Variants in SAXO1 observed in about 807,000 individuals in gnomAD.
The protein encoded by SAXO1 is 4930500O09Rik.
Under a neutral mutation model 17.5 loss-of-function variants are expected in SAXO1, and 21 were observed. That is an observed-to-expected ratio of 1.20 (90% CI 0.85 to 1.72). The LOEUF is 1.72. Among genes scored for constraint, SAXO1 ranks in the 40% most tolerant of loss-of-function variants. The pLI is 0.00. For missense variants in SAXO1, 843 were observed against 596.0 expected, an observed-to-expected ratio of 1.41 and a Z score of -4.32; for synonymous variants, 274 against 216.5, an observed-to-expected ratio of 1.27 and a Z score of -2.33.
intron 2 of SAXO1, among the ~76,000 whole-genome samples, chr9:18,943,108 CAT>C (rs1389288999): frequency 6.6e-6 from 1 of 152,212 alleles, no homozygotes; most frequent in Admixed American, 6.5e-5. Context: ...GAATTATACA[CAT>C]GATTGTCAGT....
intron 1 of SAXO1, among the ~76,000 whole-genome samples, chr9:18,969,340 T>A (rs35957033): frequency 0.2 from 30,987 of 152,048 alleles, 6,954 homozygotes; most frequent in African/African-American, 0.56. Context: ...CAGCAAGCTC[T>A]CTTGACTGGA....
At chr9:19,017,725 T>C (rs10811099) in intron 1 of SAXO1, among the ~76,000 whole-genome samples, 81,969 of 152,140 alleles carry the variant, frequency 0.54, 22,859 homozygotes, top group Non-Finnish European at 0.62. Context: ...GAGCTTTCCC[T>C]GGTCCATCAT....
Position 18,956,453 on chromosome 9 carries a change from T to G in SAXO1, c.39-5516A>C, listed in dbSNP as rs73427285. ...CAGCATCTTGTAGGATACTTATGAC[T>G]TGTCTTGCCTCCACCAGTCTTCTGG... is the stretch of plus-strand genomic sequence containing the variant. On this transcript the variant is annotated intron_variant, in intron 1 of 3. Transcript: ENST00000380534. Among the ~76,000 whole-genome samples the G allele has an allele frequency of 6.4e-3, 968 of 152,280 alleles. 12 individuals carry two copies. Among genetic ancestry groups the G allele is most frequent in the African/African-American group, 0.022 (926 of 41,568 alleles).
chr9:18,955,282 T>G (rs1292364318), intron 1 of SAXO1, among the ~76,000 whole-genome samples: 1 of 51,212 alleles, frequency 2.0e-5, no homozygotes, highest in African/African-American at 1.0e-4. Flanking sequence ...CCAATATACC[T>G]AAATTATCAT....
At chr9:18,962,144 C>G (rs77485792) in intron 1 of SAXO1, among the ~76,000 whole-genome samples, 2,765 of 152,240 alleles carry the variant, frequency 0.018, 69 homozygotes, top group African/African-American at 0.06. Flanking sequence ...CACTGCTCGC[C>G]TCAACCTCCA....
At chr9:18,990,050 G>T (rs1288892035) in intron 1 of SAXO1, among the ~76,000 whole-genome samples, 1 of 152,158 alleles carries the variant, frequency 6.6e-6, no homozygotes. Flanking sequence ...AGAGAGAACA[G>T]ATGTTCCAAA....
intron 3 of SAXO1, among the ~76,000 whole-genome samples, chr9:18,929,646 ATAAAACTTAT>A (rs1830949889): frequency 1.3e-5 from 2 of 152,240 alleles, no homozygotes; most frequent in South Asian, 4.1e-4. Flanking sequence ...TGCCACTTAT[ATAAAACTTAT>A]TACATAACAG....
rs748401562 is a variant in SAXO1 at position 18,941,656 on chromosome 9, C to G, written c.402G>C (p.Glu134Asp). The G allele has an allele frequency of 6.2e-7, 1 of 1,614,212 alleles. No homozygotes were observed. The highest frequency in any genetic ancestry group is 1.1e-5 in the South Asian group (1 of 91,084). Reference protein sequence around the residue: ...DSKYPCSDKMECLPTYKADYL... With the variant: ...DSKYPCSDKMDCLPTYKADYL... Reference sequence around the variant, plus strand: ...TCCCACCTTTATAAGTAGGCAAACACTCCATCTTGTCGCTACATGGATATT... The same window carrying G: ...TCCCACCTTTATAAGTAGGCAAACAGTCCATCTTGTCGCTACATGGATATT... The change falls in exon 3 of 4, where the codon GAG (glutamate) becomes GAC (aspartate). Residue 134 changes from glutamate to aspartate, a missense_variant. Transcript: ENST00000380534.
intron 1 of SAXO1, among the ~76,000 whole-genome samples, chr9:19,013,354 A>G (rs977619889): frequency 6.6e-6 from 1 of 151,994 alleles, no homozygotes; most frequent in Non-Finnish European, 1.5e-5. Flanking sequence ...ACTTTCTTAG[A>G]GATTAGATTG....
intron 1 of SAXO1, among the ~76,000 whole-genome samples, chr9:18,951,702 C>CG (rs1832046201): frequency 6.6e-6 from 1 of 152,208 alleles, no homozygotes; most frequent in Admixed American, 6.5e-5. Flanking sequence ...CTACCTGTGA[C>CG]TGGCATGTCT....
At position 18,927,939 on chromosome 9, in the gene SAXO1, T is replaced by G; in HGVS notation, c.*113A>C. 4.2e-6 allele frequency: 5 copies of G among 1,204,650 alleles called. No homozygotes were observed. The highest frequency in any genetic ancestry group is 5.7e-6 in the Non-Finnish European group (5 of 872,030). The allele number at this position is 1,204,650 out of a possible 1,614,324, so 74.6% of individuals were successfully genotyped here. Reference sequence around the variant, plus strand: ...CAAGTGCTCTGGAAGTGGTGAAGGTTTTTTGTTTTTTGTTTTTTGTCATTT... The same window carrying G: ...CAAGTGCTCTGGAAGTGGTGAAGGTGTTTTGTTTTTTGTTTTTTGTCATTT... On this transcript the variant is annotated 3_prime_UTR_variant, in exon 4 of 4. Coordinates refer to ENST00000380534, the MANE Select transcript of SAXO1 (RefSeq NM_153707.4).
chr9:18,942,425 T>C (rs1300761177), intron 2 of SAXO1, among the ~76,000 whole-genome samples: 1 of 152,062 alleles, frequency 6.6e-6, no homozygotes, highest in Non-Finnish European at 1.5e-5. Context: ...CTCTCCACCT[T>C]CCTTCCACCC....
intron 1 of SAXO1, among the ~76,000 whole-genome samples, chr9:18,965,571 C>G (rs1056547780): frequency 3.6e-5 from 5 of 138,064 alleles, no homozygotes; most frequent in Admixed American, 1.3e-4. Flanking sequence ...ATTGCAACCC[C>G]TGCTTTTTTT....
chr9:19,009,588 T>C (rs1394367477), intron 1 of SAXO1, among the ~76,000 whole-genome samples: 2 of 152,192 alleles, frequency 1.3e-5, no homozygotes, highest in Non-Finnish European at 2.9e-5. Context: ...TATTTAAATC[T>C]GTGCAGAGAG....
chr9:19,023,690 T>C (rs1835346618), intron 1 of SAXO1, among the ~76,000 whole-genome samples: 1 of 152,124 alleles, frequency 6.6e-6, no homozygotes, highest in Non-Finnish European at 1.5e-5. Flanking sequence ...AAGGAAATAT[T>C]AGCAAACTAC....
At chr9:18,950,613 A>G in intron 2 of SAXO1, 145 bp downstream of exon 2, 2 of 667,002 alleles carry the variant, frequency 3.0e-6, no homozygotes, top group Non-Finnish European at 4.8e-6. Flanking sequence ...TCAGAGATAT[A>G]GTACATTAAG....
chr9:18,950,612 T>G (rs527378034), intron 2 of SAXO1, 146 bp downstream of exon 2: 7 of 664,606 alleles, frequency 1.1e-5, no homozygotes, highest in Non-Finnish European at 1.7e-5. Flanking sequence ...TTCAGAGATA[T>G]AGTACATTAA....
chr9:18,978,589 C>T lies in SAXO1; in HGVS notation c.39-27652G>A, dbSNP rs147040145. On this transcript the variant is annotated intron_variant, in intron 1 of 3. Transcript: ENST00000380534. ...AATAAAGTTGGTTTTCAGTCTGCAG[C>T]TGCACTCGCAGATGCCCCACTTTCT... Among the ~76,000 whole-genome samples, 132 of 152,354 alleles carry T rather than the reference C, an allele frequency of 8.7e-4. 1 individual carries two copies. The East Asian group carries it at 0.015, about 17-fold the overall frequency.
At chr9:18,948,467 T>C (rs930634648) in intron 2 of SAXO1, among the ~76,000 whole-genome samples, 20 of 152,218 alleles carry the variant, frequency 1.3e-4, no homozygotes, top group African/African-American at 4.8e-4. Flanking sequence ...CAGAATCTGC[T>C]TTCCTCTACT....
Sources: gnomAD v4.1 joint callset for allele counts (sites outside exome capture counted in the v4.1 genomes callset) on GRCh38, gnomAD v4.1.1 for gene constraint, MANE v1.5 for transcripts, NCBI Gene and HGNC (gene_info 2026-07-23, HGNC 2026-07-21) for gene names.